Variants in SHC3 observed in about 807,000 individuals in gnomAD.
SHC3 encodes the protein SHC-transforming protein 3.
SHC3 carries 15 observed loss-of-function variants against 60.4 expected under a neutral mutation model. That is an observed-to-expected ratio of 0.25 (90% CI 0.17 to 0.38). The LOEUF is 0.38. Ranked by LOEUF, SHC3 falls within the 10% of genes least tolerant of loss-of-function variation. SHC3 has a pLI of 1.00. For synonymous variants in SHC3, 294 were observed against 325.9 expected (o/e 0.90, Z 1.05); for missense variants, 677 against 786.1 (o/e 0.86, Z 1.66).
At chr9:89,074,410 A>T (rs1825321456) in intron 4 of SHC3, among the ~76,000 whole-genome samples, 1 of 152,124 alleles carries the variant, frequency 6.6e-6, no homozygotes, top group African/African-American at 2.4e-5. Context: ...GCCTCATTTG[A>T]CCTTCAGAAG....
chr9:89,147,780 G>A (rs916037344), intron 1 of SHC3, among the ~76,000 whole-genome samples: 1 of 151,832 alleles, frequency 6.6e-6, no homozygotes, highest in African/African-American at 2.4e-5. Flanking sequence ...AAGGCTCTCT[G>A]GTGTTGACAT....
chr9:89,091,997 A>G (rs1262061520), intron 2 of SHC3, among the ~76,000 whole-genome samples: 4 of 152,250 alleles, frequency 2.6e-5, no homozygotes, highest in African/African-American at 4.8e-5. Context: ...CAGACAGCAC[A>G]TGGATGTGAA....
chr9:89,104,963 G>A (rs1825836804), intron 2 of SHC3, among the ~76,000 whole-genome samples: 1 of 152,188 alleles, frequency 6.6e-6, no homozygotes, highest in Admixed American at 6.5e-5. Flanking sequence ...CCCGGGATGA[G>A]CACAGTCAGG....
intron 2 of SHC3, 44 bp from the exon 3 acceptor site, chr9:89,077,947 G>T: frequency 3.7e-6 from 6 of 1,608,008 alleles, no homozygotes; most frequent in East Asian, 2.2e-5. Flanking sequence ...TGTCAGTCGG[G>T]ATTATGGAAC....
intron 10 of SHC3, 50 bp downstream of exon 10, chr9:89,041,976 T>G: frequency 6.2e-7 from 1 of 1,608,530 alleles, no homozygotes; most frequent in Non-Finnish European, 8.5e-7. Flanking sequence ...AAAGGCAGGA[T>G]AAAAAGCAAC....
In SHC3 at chr9:89,073,674, G is replaced by A. The variant is rs150839311; in HGVS notation, c.729+1435C>T. The stretch of plus-strand genomic sequence containing the variant: ...CATGAACTGGACACCTGCTTCGGCT[G>A]CCATGTTCCAGGACAGAGAGGGCCA... On this transcript the variant is annotated intron_variant, in intron 4 of 11. Transcript: ENST00000375835. Among the ~76,000 whole-genome samples the A allele has an allele frequency of 4.5e-3, 688 of 152,316 alleles. 3 individuals are homozygous for A. The highest frequency in any genetic ancestry group is 9.0e-3 in the Admixed American group (137 of 15,300).
intron 2 of SHC3, chr9:89,109,720 C>T (rs930031424): frequency 5.0e-5 from 49 of 985,374 alleles, no homozygotes; most frequent in Non-Finnish European, 5.7e-5. Context: ...TTCTCACCAA[C>T]ATCTTCAGGC....
intron 1 of SHC3, among the ~76,000 whole-genome samples, chr9:89,162,602 T>C (rs918309682): frequency 1.3e-5 from 2 of 151,896 alleles, no homozygotes; most frequent in African/African-American, 4.8e-5. Context: ...TCAAGATGGA[T>C]TAAAGACTTA....
chr9:89,152,416 T>C (rs1826558092), intron 1 of SHC3, among the ~76,000 whole-genome samples: 2 of 152,370 alleles, frequency 1.3e-5, no homozygotes, highest in East Asian at 3.9e-4. Flanking sequence ...TATTTACGTT[T>C]TCAAAATCCT....
At chr9:89,077,727 C>T (rs1344263974) in intron 3 of SHC3, 113 bp downstream of exon 3, 30 of 1,291,538 alleles carry the variant, frequency 2.3e-5, no homozygotes, top group Middle Eastern at 1.8e-4. Flanking sequence ...AAGTAGCAAG[C>T]GCCGGGCCAC....
In SHC3 at chr9:89,060,684, G is replaced by T. The variant is rs533479182; in HGVS notation, c.835+4845C>A. Reference sequence around the variant, plus strand: ...TTGGGGGAATGGGACATTTTATTTGGAGTGAGCAGAGAAGGAACAAGATTG... The same window carrying T: ...TTGGGGGAATGGGACATTTTATTTGTAGTGAGCAGAGAAGGAACAAGATTG... On this transcript the variant is annotated intron_variant, in intron 6 of 11. Coordinates refer to ENST00000375835, the MANE Select transcript of SHC3 (RefSeq NM_016848.6). Among the ~76,000 whole-genome samples, 13 of 152,154 alleles carry T rather than the reference G, an allele frequency of 8.5e-5. No individual in the cohort carries two copies. The East Asian group carries it at 2.5e-3, about 29-fold the overall frequency.
chr9:89,171,968 C>T (rs747245612), intron 1 of SHC3, among the ~76,000 whole-genome samples: 5 of 152,228 alleles, frequency 3.3e-5, no homozygotes, highest in African/African-American at 9.7e-5. Flanking sequence ...AAAAGAAACC[C>T]GCCAGAGGTG....
At chr9:89,171,567 T>C (rs1223979948) in intron 1 of SHC3, among the ~76,000 whole-genome samples, 1 of 152,232 alleles carries the variant, frequency 6.6e-6, no homozygotes, top group Admixed American at 6.5e-5. Context: ...GGGGAAACCA[T>C]GCATTTCAGA....
chr9:89,065,324 CGT>C (rs1825160548), intron 6 of SHC3, among the ~76,000 whole-genome samples: 1 of 152,152 alleles, frequency 6.6e-6, no homozygotes, highest in South Asian at 2.1e-4. Flanking sequence ...TGGATACAAG[CGT>C]GTGTTTGGTG....
chr9:89,058,437 GTGGTGGAGGATGA>G (rs1824993234), intron 6 of SHC3, among the ~76,000 whole-genome samples: 1 of 150,690 alleles, frequency 6.6e-6, no homozygotes, highest in Non-Finnish European at 1.5e-5. Flanking sequence ...GTGGAGGATG[GTGGTGGAGGATGA>G]TGGTGGAGGA....
rs148814099 is a variant in SHC3, at chr9:89,141,883, C to T, written c.475-29257G>A. ...GTTGTCTGCAGCAGGGTGGGGGAGG[C>T]GAAGAGGTCAGGGAGGCCAGAGAAA... On this transcript the variant is annotated intron_variant, in intron 1 of 11. Coordinates refer to ENST00000375835, the MANE Select transcript of SHC3 (RefSeq NM_016848.6). 8.4e-4 allele frequency among the ~76,000 whole-genome samples: 127 copies of T among 152,026 alleles called. 2 individuals are homozygous for T. The East Asian group carries it at 0.022, about 26-fold the overall frequency.
chr9:89,174,245 C>T (rs1290933153), intron 1 of SHC3, among the ~76,000 whole-genome samples: 1 of 152,050 alleles, frequency 6.6e-6, no homozygotes, highest in East Asian at 1.9e-4. Flanking sequence ...TGATTTATAC[C>T]ACCCCAAATA....
chr9:89,006,053 G>A lies in SHC3; in HGVS notation c.*7394C>T, dbSNP rs778141791. The A allele has an allele frequency of 3.3e-5, 5 of 152,122 alleles. No individual in the cohort carries two copies. The highest frequency in any genetic ancestry group is 7.3e-5 in the Non-Finnish European group (5 of 68,030). 9.4% of individuals were successfully genotyped at this position (152,122 alleles called of 1,614,324 possible). A position where few individuals can be genotyped will look rare whatever the true frequency, so the allele number is the denominator to read the frequency against. Reference sequence around the variant, plus strand: ...AAGTTAGCTCCATAATCAGAAATGCGCACACCACTGTTCTGATAATAAAGG... The same window carrying A: ...AAGTTAGCTCCATAATCAGAAATGCACACACCACTGTTCTGATAATAAAGG... On this transcript the variant is annotated 3_prime_UTR_variant, in exon 12 of 12. Transcript: ENST00000375835.
In SHC3 at chr9:89,168,193, C is replaced by T. The variant is rs908595801; in HGVS notation, c.474+9794G>A. ...AATGTTTCTCTATTTGGGTCGGGCA[C>T]GGTGGCTCACGCCTGTAATCCCAGC... On this transcript the variant is annotated intron_variant, in intron 1 of 11. Transcript: ENST00000375835. Among the ~76,000 whole-genome samples the T allele has an allele frequency of 6.6e-5, 10 of 152,212 alleles. No homozygotes were observed. In the East Asian group the frequency reaches 7.7e-4, roughly 12 times the overall value.
Sources: allele counts gnomAD v4.1 joint callset (sites outside exome capture counted in the v4.1 genomes callset), GRCh38; gene constraint gnomAD v4.1.1; transcripts MANE v1.5; gene names NCBI Gene and HGNC (gene_info 2026-07-23, HGNC 2026-07-21).